Variants in ZBTB20 observed in about 807,000 individuals in gnomAD.
The protein encoded by ZBTB20 is zinc finger and BTB domain containing 20.
A neutral mutation model predicts 56.9 loss-of-function variants in ZBTB20; 9 were observed. The observed-to-expected ratio is 0.16, with a 90% CI of 0.10 to 0.28. The LOEUF is 0.28. ZBTB20 is among the 10% of genes least tolerant of loss of function. The probability of loss-of-function intolerance (pLI) is 1.00; values close to 1 mark genes in which losing one functional copy is unlikely to be tolerated. For synonymous variants in ZBTB20, 417 were observed against 420.7 expected (o/e 0.99, Z 0.11); for missense variants, 655 against 1,003.0 (o/e 0.65, Z 4.69).
intron 3 of ZBTB20, among the ~76,000 whole-genome samples, chr3:114,957,632 C>T (rs1037545608): frequency 4.6e-5 from 7 of 152,182 alleles, no homozygotes; most frequent in African/African-American, 1.7e-4. Context: ...CAGGATTTAA[C>T]ATCATATCTT....
chr3:114,825,258 TC>T lies in ZBTB20; in HGVS notation c.-416-24085del, dbSNP rs201640942. On this transcript the variant is annotated intron_variant, in intron 4 of 11. Transcript: ENST00000675478. ...TTGCATGCAATAAAGAAGGAGGCAG[TC>T]CTACACAATAAATATGTAAGGAATG... 5.3e-4 allele frequency among the ~76,000 whole-genome samples: 81 copies of T among 152,058 alleles called. 1 individual carries two copies. The East Asian group carries it at 9.3e-3, about 17-fold the overall frequency.
chr3:114,351,037 G>A lies in ZBTB20; in HGVS notation c.1041C>T (p.Ile347=), dbSNP rs1432406394. ...ACTCCTCGGATTCGTTGCGTTCCAG[G>A]ATCTGCACCCTTTGCTGCCCGTAGT... The part of the protein sequence containing the change: ...YDYYGQQRVQ[I]LERNESEECT... The change falls in exon 11 of 12, where the codon ATC becomes ATT. Residue 347 remains isoleucine (I), a synonymous_variant. Coordinates refer to ENST00000675478, the MANE Select transcript of ZBTB20 (RefSeq NM_001348800.3). The A allele has an allele frequency of 1.2e-6, 2 of 1,611,884 alleles. No individual in the cohort carries two copies. Among genetic ancestry groups the A allele is most frequent in the Non-Finnish European group, 8.5e-7 (1 of 1,179,922 alleles).
intron 1 of ZBTB20, among the ~76,000 whole-genome samples, chr3:115,109,330 T>C (rs1226272078): frequency 1.3e-5 from 2 of 152,170 alleles, no homozygotes; most frequent in African/African-American, 4.8e-5. Context: ...GCCATAGATG[T>C]TTGTCAAGCA....
chr3:115,077,093 A>C (rs918667759), intron 1 of ZBTB20, among the ~76,000 whole-genome samples: 1 of 152,198 alleles, frequency 6.6e-6, no homozygotes, highest in African/African-American at 2.4e-5. Flanking sequence ...ACTGGTCTGC[A>C]GCCTGGGGCG....
At chr3:114,818,337 G>A (rs942906818) in intron 4 of ZBTB20, among the ~76,000 whole-genome samples, 1 of 151,994 alleles carries the variant, frequency 6.6e-6, no homozygotes, top group African/African-American at 2.4e-5. Flanking sequence ...TTCTTAATAA[G>A]ATCATAAAGT....
At chr3:114,736,180 T>A (rs1367509221) in intron 5 of ZBTB20, among the ~76,000 whole-genome samples, 1 of 152,182 alleles carries the variant, frequency 6.6e-6, no homozygotes, top group Admixed American at 6.6e-5. Context: ...AGTTTTCACT[T>A]CTGTAAAATG....
intron 7 of ZBTB20, among the ~76,000 whole-genome samples, chr3:114,428,784 A>G (rs748632220): frequency 5.9e-5 from 9 of 152,208 alleles, no homozygotes; most frequent in Non-Finnish European, 1.2e-4. Context: ...AGAGAGAAAG[A>G]ATCAAATTCT....
intron 1 of ZBTB20, among the ~76,000 whole-genome samples, chr3:115,086,432 C>T (rs1420266773): frequency 6.6e-6 from 1 of 151,674 alleles, no homozygotes; most frequent in Non-Finnish European, 1.5e-5. Context: ...CCCTATGTTC[C>T]ACCTCCAACA....
intron 6 of ZBTB20, among the ~76,000 whole-genome samples, chr3:114,538,652 CAT>C (rs1262503718): frequency 6.6e-5 from 10 of 152,112 alleles, no homozygotes; most frequent in African/African-American, 1.2e-4. Flanking sequence ...GCAAGATACA[CAT>C]GTTTGAATAT....
chr3:114,858,477 T>C (rs566548063), intron 4 of ZBTB20, among the ~76,000 whole-genome samples: 1 of 152,202 alleles, frequency 6.6e-6, no homozygotes, highest in South Asian at 2.1e-4. Flanking sequence ...TCTCTTTACA[T>C]AGTGCAATAA....
chr3:114,792,014 AC>A (rs1267197319), intron 5 of ZBTB20: 1 of 152,102 alleles, frequency 6.6e-6, no homozygotes, highest in African/African-American at 2.4e-5. Context: ...TTTAGAGCCA[AC>A]CTGAAGTGTA....
At chr3:114,367,789 A>AC (rs2082576435) in intron 10 of ZBTB20, among the ~76,000 whole-genome samples, 1 of 151,772 alleles carries the variant, frequency 6.6e-6, no homozygotes, top group African/African-American at 2.4e-5. Context: ...GGAAAAAAAA[A>AC]CATACAAATG....
At chr3:114,718,245 C>T (rs376246208) in intron 5 of ZBTB20, among the ~76,000 whole-genome samples, 9 of 152,252 alleles carry the variant, frequency 5.9e-5, no homozygotes, top group African/African-American at 1.9e-4. Flanking sequence ...TTGAGGTCTA[C>T]ATGGCAAGAA....
intron 1 of ZBTB20, among the ~76,000 whole-genome samples, chr3:115,116,789 T>C (rs1265872754): frequency 2.0e-5 from 3 of 152,030 alleles, no homozygotes; most frequent in Non-Finnish European, 4.4e-5. Context: ...ATAAGCAATA[T>C]TTATTAGGGC....
At chr3:114,341,131 A>G (rs2079729678) in intron 11 of ZBTB20, among the ~76,000 whole-genome samples, 1 of 152,256 alleles carries the variant, frequency 6.6e-6, no homozygotes, top group African/African-American at 2.4e-5. Context: ...ACCAGACAGT[A>G]TGCTGCGTAA....
chr3:115,145,228 CAAAGGCATGA>C (rs2084928590), intron 1 of ZBTB20, among the ~76,000 whole-genome samples: 1 of 152,132 alleles, frequency 6.6e-6, no homozygotes, highest in African/African-American at 2.4e-5. Context: ...TCACAAAGAA[CAAAGGCATGA>C]AAATCAATGT....
intron 4 of ZBTB20, among the ~76,000 whole-genome samples, chr3:114,837,979 A>C (rs1470908904): frequency 6.6e-6 from 1 of 152,248 alleles, no homozygotes; most frequent in Non-Finnish European, 1.5e-5. Context: ...AAAGTAGTGA[A>C]TAAAATCTCA....
chr3:114,454,967 C>CACAG (rs766766429), intron 7 of ZBTB20: 1 of 131,642 alleles, frequency 7.6e-6, no homozygotes, highest in Admixed American at 7.9e-5. Flanking sequence ...GAGCAAGAGA[C>CACAG]AGAGAGAGAG....
Position 114,576,359 on chromosome 3 carries a change from A to G in ZBTB20, c.-294-75968T>C, listed in dbSNP as rs190327382. On this transcript the variant is annotated intron_variant, in intron 6 of 11. Coordinates refer to ENST00000675478, the MANE Select transcript of ZBTB20 (RefSeq NM_001348800.3). The stretch of plus-strand genomic sequence containing the variant: ...CTAAAAATACAAAAAGAAATTAGCC[A>G]GGCGTGGTGGCGGGCGCCTGTAGTC... Among the ~76,000 whole-genome samples, 1,176 of 150,972 alleles carry G rather than the reference A, an allele frequency of 7.8e-3. 21 individuals are homozygous for G. The highest frequency in any genetic ancestry group is 0.026 in the African/African-American group (1,090 of 41,136).
Sources: allele counts gnomAD v4.1 joint callset (sites outside exome capture counted in the v4.1 genomes callset), GRCh38; gene constraint gnomAD v4.1.1; transcripts MANE v1.5; gene names NCBI Gene and HGNC (gene_info 2026-07-23, HGNC 2026-07-21).